The following RNF185 variants were observed in gnomAD, a reference collection of about 807,000 sequenced individuals.
RNF185 encodes the protein E3 ubiquitin-protein ligase RNF185.
Under a neutral mutation model 24.9 loss-of-function variants are expected in RNF185, and 13 were observed. The observed-to-expected ratio is 0.52, with a 90% CI of 0.34 to 0.83. The LOEUF (loss-of-function observed/expected upper bound fraction) is 0.83, where lower values mean the gene tolerates loss of function less well. Ranked by LOEUF, RNF185 falls within the 40% of genes least tolerant of loss-of-function variation. The pLI, the probability that RNF185 is intolerant of heterozygous loss-of-function variation, is 0.01. For missense variants in RNF185, 184 were observed against 244.7 expected, an observed-to-expected ratio of 0.75 and a Z score of 1.65; for synonymous variants, 79 against 90.3, an observed-to-expected ratio of 0.88 and a Z score of 0.71.
chr22:31,205,813 G>A lies in RNF185; in HGVS notation c.*1227G>A, dbSNP rs1411116906. ...GGGAGCCCCAGCACAATGATATTGT[G>A]TGGTCTTCCCTCCTGTGGAATCGAG... On this transcript the variant is annotated 3_prime_UTR_variant, in exon 7 of 7. Transcript: ENST00000326132. 6.6e-6 allele frequency: 1 copy of A among 152,348 alleles called. No homozygotes were observed. The highest frequency in any genetic ancestry group is 2.1e-4 in the South Asian group (1 of 4,838). 9.4% of individuals were successfully genotyped at this position (152,348 alleles called of 1,614,324 possible).
intron 1 of RNF185, among the ~76,000 whole-genome samples, chr22:31,178,104 C>T (rs1293167470): frequency 6.6e-6 from 1 of 152,206 alleles, no homozygotes; most frequent in South Asian, 2.1e-4. Context: ...TGCAAATCCG[C>T]GTTAGTCCCA....
intron 1 of RNF185, among the ~76,000 whole-genome samples, chr22:31,185,548 C>T (rs1045597063): frequency 6.6e-6 from 1 of 152,122 alleles, no homozygotes; most frequent in African/African-American, 2.4e-5. Context: ...CCAGGGAGTC[C>T]AGTGCCTCAT....
intron 1 of RNF185, among the ~76,000 whole-genome samples, chr22:31,160,581 C>T (rs912107414): frequency 3.3e-5 from 5 of 152,200 alleles, no homozygotes; most frequent in Non-Finnish European, 7.3e-5. Context: ...TTCTATCCCC[C>T]GTGCGAGACC....
chr22:31,171,495 T>G (rs1285796074), intron 1 of RNF185, among the ~76,000 whole-genome samples: 1 of 152,066 alleles, frequency 6.6e-6, no homozygotes, highest in Non-Finnish European at 1.5e-5. Context: ...TTTATTTTTA[T>G]CATGGGTCTG....
intron 1 of RNF185, among the ~76,000 whole-genome samples, chr22:31,169,519 G>T (rs1924148402): frequency 6.6e-6 from 1 of 151,988 alleles, no homozygotes; most frequent in Non-Finnish European, 1.5e-5. Context: ...CCTAATTGCT[G>T]CCTGGTTATC....
At chr22:31,181,832 C>T (rs2048039850) in intron 1 of RNF185, among the ~76,000 whole-genome samples, 1 of 144,346 alleles carries the variant, frequency 6.9e-6, no homozygotes, top group African/African-American at 2.5e-5. Context: ...GGAAGGGGAA[C>T]ATCACACACC....
chr22:31,166,436 G>T (rs1244364639), intron 1 of RNF185, among the ~76,000 whole-genome samples: 2 of 152,064 alleles, frequency 1.3e-5, no homozygotes, highest in Non-Finnish European at 2.9e-5. Context: ...ATTTTTAATA[G>T]TTGGAATCAC....
chr22:31,188,947 G>A (rs957368153), intron 2 of RNF185, among the ~76,000 whole-genome samples: 9 of 127,880 alleles, frequency 7.0e-5, no homozygotes, highest in Non-Finnish European at 1.3e-4. Flanking sequence ...GGTGAAACCC[G>A]TTTCTACTAA....
At chr22:31,175,758 A>G (rs550520047) in intron 1 of RNF185, among the ~76,000 whole-genome samples, 1 of 152,204 alleles carries the variant, frequency 6.6e-6, no homozygotes, top group Non-Finnish European at 1.5e-5. Context: ...ATTTTGAGCC[A>G]TGTAAACGTG....
chr22:31,187,314 T>C (rs56671772), intron 2 of RNF185, 44 bp downstream of exon 2: 9 of 1,607,580 alleles, frequency 5.6e-6, no homozygotes, highest in Non-Finnish European at 7.7e-6. Flanking sequence ...TTGCCAAGTT[T>C]GGAAAGCCTG....
intron 1 of RNF185, among the ~76,000 whole-genome samples, chr22:31,161,167 AG>A (rs1258200094): frequency 6.6e-6 from 1 of 152,242 alleles, no homozygotes; most frequent in Non-Finnish European, 1.5e-5. Flanking sequence ...TTCTACAGGA[AG>A]GCAAGATTTT....
intron 1 of RNF185, among the ~76,000 whole-genome samples, chr22:31,169,257 A>T (rs913486896): frequency 6.6e-6 from 1 of 152,152 alleles, no homozygotes; most frequent in African/African-American, 2.4e-5. Flanking sequence ...GGAGTTATCT[A>T]TGTATTCAGG....
intron 1 of RNF185, among the ~76,000 whole-genome samples, chr22:31,175,315 G>A (rs1190974154): frequency 6.6e-6 from 1 of 151,848 alleles, no homozygotes; most frequent in Non-Finnish European, 1.5e-5. Context: ...CTAGCTGGAT[G>A]TGGTGGCGCA....
intron 5 of RNF185, among the ~76,000 whole-genome samples, chr22:31,197,822 A>G (rs950856476): frequency 2.6e-5 from 4 of 152,018 alleles, no homozygotes; most frequent in African/African-American, 4.8e-5. Flanking sequence ...GGCTCAAGCA[A>G]TCCTCCCACC....
chr22:31,193,255 G>T lies in RNF185; in HGVS notation c.195+553G>T, dbSNP rs993689731. ...ACACTCGTAGGTGGCCTGGGAATGT[G>T]GGGGAGGACAGAAGTTCCAGACTGC... On this transcript the variant is annotated intron_variant, in intron 3 of 6. Transcript: ENST00000326132. Among the ~76,000 whole-genome samples, 2 of 152,208 alleles carry T rather than the reference G, an allele frequency of 1.3e-5. 1 individual carries two copies. Among genetic ancestry groups the T allele is most frequent in the South Asian group, 4.1e-4 (2 of 4,828 alleles).
intron 1 of RNF185, among the ~76,000 whole-genome samples, chr22:31,172,425 AG>A (rs1411656529): frequency 2.0e-5 from 3 of 151,200 alleles, no homozygotes; most frequent in Admixed American, 1.3e-4. Context: ...TTTGTCTAAT[AG>A]GGGCTAGGCA....
At chr22:31,184,667 A>C (rs1176944475) in intron 1 of RNF185, among the ~76,000 whole-genome samples, 1 of 152,112 alleles carries the variant, frequency 6.6e-6, no homozygotes, top group Non-Finnish European at 1.5e-5. Context: ...CAATCCTGGC[A>C]CCTCGGGAGG....
Position 31,195,487 on chromosome 22 carries a change from A to G in RNF185, c.214A>G (p.Asn72Asp), listed in dbSNP as rs1230008114. 2 of 1,607,886 alleles carry G rather than the reference A, an allele frequency of 1.2e-6. No homozygotes were observed. The highest frequency in any genetic ancestry group is 1.7e-6 in the Non-Finnish European group (2 of 1,177,374). ...TTTGCAGTGGTTGGAGACCAGACCT[A>G]ACAGACAGGTGTGTCCTGTTTGCAA... ...CLHQWLETRP[N>D]RQVCPVCKAG... The change falls in exon 4 of 7, where the codon AAC becomes GAC. Residue 72 changes from asparagine (N) to aspartate (D), a missense_variant. Coordinates refer to ENST00000326132, the MANE Select transcript of RNF185 (RefSeq NM_152267.4).
At chr22:31,169,039 C>T (rs1172138817) in intron 1 of RNF185, among the ~76,000 whole-genome samples, 1 of 152,064 alleles carries the variant, frequency 6.6e-6, no homozygotes, top group East Asian at 1.9e-4. Flanking sequence ...TCGCACGTAG[C>T]TGGAAGTACA....
Sources: allele counts gnomAD v4.1 joint callset (sites outside exome capture counted in the v4.1 genomes callset), GRCh38; gene constraint gnomAD v4.1.1; transcripts MANE v1.5; gene names NCBI Gene and HGNC (gene_info 2026-07-23, HGNC 2026-07-21).